ULK4: variants seen among roughly 807,000 people sequenced by gnomAD.
ULK4 encodes the protein inactive serine/threonine-protein kinase ULK4.
In ULK4, 133 loss-of-function variants were observed where a neutral mutation model predicts 160.6. The ratio of observed to expected loss-of-function variants is 0.83; its 90% CI spans 0.72 to 0.96. The LOEUF (loss-of-function observed/expected upper bound fraction) is 0.96. ULK4 is among the 40% of genes least tolerant of loss of function. The pLI, the probability that ULK4 is intolerant of heterozygous loss-of-function variation, is 0.00. For synonymous variants in ULK4, 534 were observed against 539.8 expected, an observed-to-expected ratio of 0.99 and a Z score of 0.15; for missense variants, 1,580 against 1,499.5, an observed-to-expected ratio of 1.05 and a Z score of -0.89.
chr3:41,461,932 AG>A, intron 33 of ULK4, among the ~76,000 whole-genome samples: 1 of 152,250 alleles, frequency 6.6e-6, no homozygotes, highest in Non-Finnish European at 1.5e-5. Flanking sequence ...AGGAAAAGAT[AG>A]GAGAAATACA....
chr3:41,312,976 GAATA>G (rs1559519232), intron 35 of ULK4, among the ~76,000 whole-genome samples: 1 of 151,930 alleles, frequency 6.6e-6, no homozygotes, highest in African/African-American at 2.4e-5. Context: ...TAGAAAAGCA[GAATA>G]AATTCAAGGA....
rs529600251 is a variant in ULK4, at chr3:41,846,570, C to T, written c.1657-10599G>A. The stretch of plus-strand genomic sequence containing the variant: ...CTGTAATCCCAACACTTTGGGAGGC[C>T]GAGGCAGGCAGACTGTCTGAGGTCA... On this transcript the variant is annotated intron_variant, in intron 17 of 36. Transcript: ENST00000301831. Among the ~76,000 whole-genome samples, 4 of 152,036 alleles carry T rather than the reference C, an allele frequency of 2.6e-5. No individual in the cohort carries two copies. The South Asian group carries it at 6.2e-4, about 24-fold the overall frequency.
At chr3:41,938,278 T>G in intron 2 of ULK4, 81 bp from the exon 3 acceptor site, 2 of 1,005,012 alleles carry the variant, frequency 2.0e-6, no homozygotes, top group South Asian at 3.3e-5. Context: ...AATATACAAT[T>G]GGTAAATGGA....
intron 19 of ULK4, among the ~76,000 whole-genome samples, chr3:41,808,158 T>C (rs560967478): frequency 1.3e-5 from 2 of 152,294 alleles, no homozygotes; most frequent in South Asian, 4.1e-4. Context: ...TCTATCCTAG[T>C]TCTTACTACA....
intron 31 of ULK4, among the ~76,000 whole-genome samples, chr3:41,607,970 T>C (rs933187957): frequency 1.6e-4 from 24 of 152,220 alleles, no homozygotes; most frequent in Admixed American, 5.2e-4. Flanking sequence ...CTATAAGTCA[T>C]GAAATTATGA....
At chr3:41,426,251 G>C (rs11129906) in intron 34 of ULK4, among the ~76,000 whole-genome samples, 1 of 152,006 alleles carries the variant, frequency 6.6e-6, no homozygotes, top group Non-Finnish European at 1.5e-5. Flanking sequence ...ATATGCACCC[G>C]ATACAGGAGA....
At chr3:41,719,383 T>C (rs963385322) in intron 22 of ULK4, among the ~76,000 whole-genome samples, 7 of 152,226 alleles carry the variant, frequency 4.6e-5, no homozygotes, top group Non-Finnish European at 1.0e-4. Context: ...ATCTAAGTTA[T>C]ATGCCAATAT....
At chr3:41,691,943 CTTTTTTTT>C (rs751734628) in intron 27 of ULK4, among the ~76,000 whole-genome samples, 11 of 96,350 alleles carry the variant, frequency 1.1e-4, no homozygotes, top group African/African-American at 5.7e-4. Flanking sequence ...CAAATCACTT[CTTTTTTTT>C]TTTTTTTTTT....
At chr3:41,508,098 T>C (rs1575328285) in intron 32 of ULK4, among the ~76,000 whole-genome samples, 1 of 152,254 alleles carries the variant, frequency 6.6e-6, no homozygotes, top group East Asian at 1.9e-4. Flanking sequence ...GGGAGCACAG[T>C]GGGAGTGAGA....
At chr3:41,312,661 A>C (rs1473852906) in intron 35 of ULK4, among the ~76,000 whole-genome samples, 1 of 151,818 alleles carries the variant, frequency 6.6e-6, no homozygotes, top group African/African-American at 2.4e-5. Flanking sequence ...ACAAACAAAC[A>C]AACAAAAAAA....
intron 22 of ULK4, among the ~76,000 whole-genome samples, chr3:41,743,535 A>G (rs2038313129): frequency 6.6e-6 from 1 of 152,036 alleles, no homozygotes; most frequent in African/African-American, 2.4e-5. Flanking sequence ...CAGAATGAGT[A>G]AGTTAGAGGT....
In ULK4 at chr3:41,919,606, T is replaced by TA. The variant is rs1044088131; in HGVS notation, c.643+110dup. The stretch of plus-strand genomic sequence containing the variant: ...GACAGTACGAGACTCTGTCTCAAAA[T>TA]AAAAAAAAATCTAGTTTTTTCACAT... On this transcript the variant is annotated intron_variant, in intron 6 of 36. Coordinates refer to ENST00000301831, the MANE Select transcript of ULK4 (RefSeq NM_017886.4). 473 of 898,916 alleles carry TA rather than the reference T, an allele frequency of 5.3e-4. 1 individual carries two copies. The highest frequency in any genetic ancestry group is 6.4e-4 in the Non-Finnish European group (375 of 582,068). The allele number at this position is 898,916 out of a possible 1,614,324, so 55.7% of individuals were successfully genotyped here.
chr3:41,959,006 T>G (rs1485724324), intron 1 of ULK4, among the ~76,000 whole-genome samples: 2 of 152,110 alleles, frequency 1.3e-5, no homozygotes, highest in Non-Finnish European at 2.9e-5. Flanking sequence ...GGCAGGTAGG[T>G]CACCTGAAGT....
chr3:41,450,882 A>G (rs538660356), intron 34 of ULK4, among the ~76,000 whole-genome samples: 82 of 152,322 alleles, frequency 5.4e-4, no homozygotes, highest in African/African-American at 1.9e-3. Context: ...ATAAATGTGT[A>G]TATATTGTAC....
chr3:41,458,469 G>C (rs932065385), intron 33 of ULK4, among the ~76,000 whole-genome samples: 1 of 152,150 alleles, frequency 6.6e-6, no homozygotes, highest in East Asian at 1.9e-4. Flanking sequence ...GGGCATGGTA[G>C]CTCATGCTTG....
intron 35 of ULK4, among the ~76,000 whole-genome samples, chr3:41,323,883 C>CT (rs1491297091): frequency 1.3e-5 from 2 of 152,280 alleles, no homozygotes; most frequent in East Asian, 1.9e-4. Flanking sequence ...AATGTTTCCC[C>CT]TTTTTTGTGA....
In ULK4 at chr3:41,446,090, A is replaced by G. The variant is rs2083290631; in HGVS notation, c.3492+9407T>C. Among the ~76,000 whole-genome samples the G allele has an allele frequency of 2.0e-5, 3 of 152,354 alleles. No individual in the cohort carries two copies. The South Asian group carries it at 6.2e-4, about 32-fold the overall frequency. ...GATATGAACAGACACTTCTCAAAAG[A>G]AGACATTTATGCAGCCAAAACACAC... On this transcript the variant is annotated intron_variant, in intron 34 of 36. Transcript: ENST00000301831.
intron 32 of ULK4, among the ~76,000 whole-genome samples, chr3:41,556,487 CTTT>C (rs34888775): frequency 2.6e-5 from 3 of 117,054 alleles, no homozygotes; most frequent in East Asian, 2.4e-4. Context: ...CTCTACCAAA[CTTT>C]TTTTTTTTTT....
At chr3:41,794,685 A>AAAAAAAAAAAAAAAAAAAAAC (rs1553654846) in intron 20 of ULK4, among the ~76,000 whole-genome samples, 2 of 129,084 alleles carry the variant, frequency 1.5e-5, no homozygotes, top group African/African-American at 3.2e-5. Flanking sequence ...AAAAAAAAAA[A>AAAAAAAAAAAAAAAAAAAAAC]ACACAGAAAA....
Sources: allele counts gnomAD v4.1 joint callset (sites outside exome capture counted in the v4.1 genomes callset), GRCh38; gene constraint gnomAD v4.1.1; transcripts MANE v1.5; gene names NCBI Gene and HGNC (gene_info 2026-07-23, HGNC 2026-07-21).